DHRSX: variants seen among roughly 807,000 people sequenced by gnomAD.
The protein encoded by DHRSX is dehydrogenase/reductase X-linked, also known as polyprenol dehydrogenase.
A neutral mutation model predicts 34.0 loss-of-function variants in DHRSX; 31 were observed. That is an observed-to-expected ratio of 0.91 (90% CI 0.69 to 1.23). DHRSX has a LOEUF of 1.23. Ranked by LOEUF, DHRSX falls within the 50% of genes most tolerant of loss-of-function variation. The pLI, the probability that DHRSX is intolerant of heterozygous loss-of-function variation, is 0.00. For missense variants in DHRSX, 414 were observed against 428.1 expected, an observed-to-expected ratio of 0.97 and a Z score of 0.29; for synonymous variants, 201 against 183.8, an observed-to-expected ratio of 1.09 and a Z score of -0.76.
rs187290846 is a variant in DHRSX at position 2,499,648 on chromosome X, T to G, written c.109+1169A>C. Among the ~76,000 whole-genome samples, 598 of 152,034 alleles carry G rather than the reference T, an allele frequency of 3.9e-3. 1 individual carries two copies. The highest frequency in any genetic ancestry group is 6.9e-3 in the Non-Finnish European group (466 of 67,980). On this transcript the variant is annotated intron_variant, in intron 1 of 6. Coordinates refer to ENST00000334651, the MANE Select transcript of DHRSX (RefSeq NM_145177.3). The stretch of plus-strand genomic sequence containing the variant: ...TTAGCCAGGCGTGGTGGCTCACGCC[T>G]GTAAACCCAGCACTTTGGGGGACCC...
chrX:2,421,500 T>G (rs1314433012), intron 2 of DHRSX, among the ~76,000 whole-genome samples: 1 of 152,226 alleles, frequency 6.6e-6, no homozygotes, highest in Non-Finnish European at 1.5e-5. Context: ...CCATGTGCGC[T>G]GACATGGACC....
chrX:2,395,883 T>C (rs1266774313), intron 3 of DHRSX, among the ~76,000 whole-genome samples: 1 of 152,162 alleles, frequency 6.6e-6, no homozygotes, highest in African/African-American at 2.4e-5. Context: ...ATTCTATTCC[T>C]GCCCGATCTA....
At chrX:2,267,664 C>T (rs1266976450) in intron 4 of DHRSX, among the ~76,000 whole-genome samples, 6 of 151,950 alleles carry the variant, frequency 3.9e-5, no homozygotes, top group Non-Finnish European at 7.4e-5. Context: ...TTATTCTGGG[C>T]GGCTAGGTGT....
intron 3 of DHRSX, among the ~76,000 whole-genome samples, chrX:2,352,280 C>A (rs1047311686): frequency 3.2e-4 from 48 of 151,998 alleles, no homozygotes; most frequent in African/African-American, 1.0e-3. Flanking sequence ...GGGTATTTTG[C>A]AAAGAAGCGA....
intron 6 of DHRSX, among the ~76,000 whole-genome samples, chrX:2,229,507 G>T (rs1453023499): frequency 6.6e-6 from 1 of 152,016 alleles, no homozygotes. Context: ...TTCGGGGCTG[G>T]ATGTTTTCTG....
Position 2,221,002 on chromosome X carries a change from A to C in DHRSX, c.*39T>G. 6.3e-7 allele frequency: 1 copy of C among 1,598,394 alleles called. No individual in the cohort carries two copies. Among genetic ancestry groups the C allele is most frequent in the Non-Finnish European group, 8.5e-7 (1 of 1,169,666 alleles). ...GACCCACAAGCTATTGGCAGGTGCA[A>C]TGTGTTTCTTGGGGCAGCAGCTATC... On this transcript the variant is annotated 3_prime_UTR_variant, in exon 7 of 7. Coordinates refer to ENST00000334651, the MANE Select transcript of DHRSX (RefSeq NM_145177.3).
chrX:2,273,148 G>A (rs752726482), intron 4 of DHRSX, among the ~76,000 whole-genome samples: 44 of 152,092 alleles, frequency 2.9e-4, no homozygotes, highest in Non-Finnish European at 5.4e-4. Context: ...AGCCGAGATC[G>A]CACCACTGCA....
At chrX:2,484,214 C>G (rs1194239165) in intron 1 of DHRSX, among the ~76,000 whole-genome samples, 2 of 152,182 alleles carry the variant, frequency 1.3e-5, no homozygotes, top group African/African-American at 4.8e-5. Context: ...CTCAGGCGAT[C>G]CACCCGCCTC....
intron 3 of DHRSX, among the ~76,000 whole-genome samples, chrX:2,294,516 T>G (rs2041906118): frequency 6.6e-6 from 1 of 151,558 alleles, no homozygotes; most frequent in Admixed American, 6.6e-5. Context: ...AATACAAAAA[T>G]TAGGCGACTG....
intron 5 of DHRSX, among the ~76,000 whole-genome samples, chrX:2,265,425 C>T (rs1303251011): frequency 1.6e-5 from 2 of 127,146 alleles, no homozygotes; most frequent in Non-Finnish European, 3.4e-5. Context: ...AGCACTGTCC[C>T]CAGAGCACCA....
chrX:2,473,920 G>C (rs1224050426), intron 1 of DHRSX, among the ~76,000 whole-genome samples: 2 of 148,370 alleles, frequency 1.3e-5, no homozygotes, highest in Admixed American at 1.3e-4. Flanking sequence ...GGTATCAAGC[G>C]TGTAGGGGAA....
At chrX:2,286,947 G>C (rs1299231306) in intron 4 of DHRSX, among the ~76,000 whole-genome samples, 1 of 152,210 alleles carries the variant, frequency 6.6e-6, no homozygotes, top group Admixed American at 6.5e-5. Flanking sequence ...ACAGGCTGGG[G>C]AATTCCAGGG....
intron 1 of DHRSX, among the ~76,000 whole-genome samples, chrX:2,469,168 C>A (rs1438436422): frequency 2.0e-5 from 3 of 152,024 alleles, no homozygotes; most frequent in African/African-American, 7.3e-5. Context: ...ACACCGAAGA[C>A]GTTCCCTAAG....
intron 3 of DHRSX, among the ~76,000 whole-genome samples, chrX:2,329,255 G>A (rs1414520511): frequency 1.3e-5 from 2 of 152,028 alleles, no homozygotes; most frequent in Admixed American, 6.6e-5. Context: ...CCATGACATC[G>A]GTCTACTCAA....
At chrX:2,245,834 T>C (rs2016266485) in intron 5 of DHRSX, among the ~76,000 whole-genome samples, 1 of 150,558 alleles carries the variant, frequency 6.6e-6, no homozygotes, top group African/African-American at 2.4e-5. Flanking sequence ...TGGTGGCATG[T>C]GCCTGTAGTC....
chrX:2,333,307 TTGTA>T (rs1181182114), intron 3 of DHRSX, among the ~76,000 whole-genome samples: 2 of 152,188 alleles, frequency 1.3e-5, no homozygotes, highest in African/African-American at 4.8e-5. Flanking sequence ...TTTTTTAAAC[TTGTA>T]TGTTAGATTC....
intron 1 of DHRSX, among the ~76,000 whole-genome samples, chrX:2,457,612 C>T (rs1033186881): frequency 2.6e-5 from 4 of 151,122 alleles, no homozygotes; most frequent in African/African-American, 4.9e-5. Context: ...ACACTGAAGA[C>T]ATCCCCTAAG....
intron 6 of DHRSX, among the ~76,000 whole-genome samples, chrX:2,224,738 A>G (rs2015600934): frequency 6.6e-6 from 1 of 152,282 alleles, no homozygotes; most frequent in East Asian, 1.9e-4. Flanking sequence ...ATACGCACAC[A>G]CACATGCACA....
chrX:2,451,984 C>T (rs918425480), intron 1 of DHRSX, among the ~76,000 whole-genome samples: 7 of 152,090 alleles, frequency 4.6e-5, no homozygotes, highest in Non-Finnish European at 1.0e-4. Context: ...TAAGGCACCA[C>T]TGCCATGTAC....
Sources: gnomAD v4.1 joint callset for allele counts (sites outside exome capture counted in the v4.1 genomes callset) on GRCh38, gnomAD v4.1.1 for gene constraint, MANE v1.5 for transcripts, NCBI Gene and HGNC (gene_info 2026-07-23, HGNC 2026-07-21) for gene names.